Variants in CLSTN3 observed in about 807,000 individuals in gnomAD.
CLSTN3 encodes calsyntenin 3.
A neutral mutation model predicts 95.9 loss-of-function variants in CLSTN3; 36 were observed. That is an observed-to-expected ratio of 0.38 (90% CI 0.29 to 0.50). The LOEUF (loss-of-function observed/expected upper bound fraction) is 0.50, where lower values mean the gene tolerates loss of function less well. Ranked by LOEUF, CLSTN3 falls within the 20% of genes least tolerant of loss-of-function variation. The pLI is 0.95. For missense variants in CLSTN3, 1,084 were observed against 1,268.8 expected (o/e 0.85, Z 2.21); for synonymous variants, 481 against 504.0 (o/e 0.95, Z 0.61).
rs747634878 is a variant in CLSTN3 at position 7,135,568 on chromosome 12, G to T, written c.592+33G>T. On this transcript the variant is annotated intron_variant, in intron 4 of 17. Transcript: ENST00000266546. ...CACCCCTGGCTTCCCTGGCCACCCA[G>T]TTCCCCTTGAGCACCCACCTCCCTC... The T allele has an allele frequency of 3.1e-6, 5 of 1,606,796 alleles. No individual in the cohort carries two copies. In the Admixed American group the frequency reaches 6.7e-5, roughly 21 times the overall value.
chr12:7,158,069 A>C lies in CLSTN3; in HGVS notation c.2859A>C (p.Pro953=), dbSNP rs896178486. The C allele has an allele frequency of 6.5e-7, 1 of 1,534,322 alleles. No individual in the cohort carries two copies. The highest frequency in any genetic ancestry group is 8.8e-7 in the Non-Finnish European group (1 of 1,136,944). ...AGAGACGCATCATCGAGACCCCCCCACACCGCTACTAAGGCCTACACCTCT... is the reference window on the plus strand; with the variant it reads ...AGAGACGCATCATCGAGACCCCCCCCCACCGCTACTAAGGCCTACACCTCT... The part of the protein sequence containing the change: ...SDERRIIETP[P]HRY Residue 953 remains proline, a synonymous_variant, in exon 18 of 18, where the codon CCA becomes CCC. Transcript: ENST00000266546.
In CLSTN3 at chr12:7,133,546, C is replaced by A; in HGVS notation, c.188-27C>A. The A allele has an allele frequency of 6.2e-7, 1 of 1,610,634 alleles. No homozygotes were observed. ...GGTGGGGAAGGAGACACAGCAGCCT[C>A]ACTCCTCCCCTTCTCCCCTTTGCCA... On this transcript the variant is annotated intron_variant, in intron 2 of 17. Coordinates refer to ENST00000266546, the MANE Select transcript of CLSTN3 (RefSeq NM_014718.4). The surrounding 1 kb of genome is among the most constrained non-coding windows in gnomAD (Gnocchi z 4.7).
chr12:7,148,181 AAAG>A (rs1445694059), intron 12 of CLSTN3, among the ~76,000 whole-genome samples: 3 of 118,938 alleles, frequency 2.5e-5, no homozygotes, highest in Non-Finnish European at 5.3e-5. Flanking sequence ...AGAAAGAAAG[AAAG>A]AAAGAAAGAA....
intron 1 of CLSTN3, chr12:7,132,759 C>T (rs1467624313): frequency 2.0e-5 from 12 of 597,590 alleles, no homozygotes; most frequent in Non-Finnish European, 6.0e-6. Flanking sequence ...GATAGTGATC[C>T]CCTCCTCTTC....
Position 7,133,563 on chromosome 12 carries a change from C to G in CLSTN3, c.188-10C>G, listed in dbSNP as rs781478472. The G allele has an allele frequency of 1.2e-6, 2 of 1,613,714 alleles. No homozygotes were observed. Among genetic ancestry groups the G allele is most frequent in the African/African-American group, 2.7e-5 (2 of 75,000 alleles). On this transcript the variant is annotated splice_polypyrimidine_tract_variant and intron_variant, in intron 2 of 17. Coordinates refer to ENST00000266546, the MANE Select transcript of CLSTN3 (RefSeq NM_014718.4). This position sits in a 1 kb window ranked among gnomAD's most constrained non-coding sequence, Gnocchi z 4.7. ...AGCAGCCTCACTCCTCCCCTTCTCCCCTTTGCCAGGTGAGATCTGCGGCTT... is the reference window on the plus strand; with the variant it reads ...AGCAGCCTCACTCCTCCCCTTCTCCGCTTTGCCAGGTGAGATCTGCGGCTT...
At position 7,149,357 on chromosome 12, in the gene CLSTN3, C is replaced by T. The variant is rs114354914; in HGVS notation, c.2074+159C>T. ...TAAGAAGGAGAGCAAGTGGAAAACA[C>T]GTGGGTGGAAATGAATTGTTGCATA... is the stretch of plus-strand genomic sequence containing the variant. On this transcript the variant is annotated intron_variant, in intron 13 of 17. Coordinates refer to ENST00000266546, the MANE Select transcript of CLSTN3 (RefSeq NM_014718.4). This position sits in a 1 kb window ranked among gnomAD's most constrained non-coding sequence, Gnocchi z 4.5. Among the ~76,000 whole-genome samples the T allele has an allele frequency of 2.9e-3, 443 of 152,298 alleles. 1 individual carries two copies. Among genetic ancestry groups the T allele is most frequent in the African/African-American group, 9.4e-3 (389 of 41,562 alleles).
At chr12:7,142,732 TTTTG>T in intron 10 of CLSTN3, 133 bp from the exon 11 acceptor site, 48 of 593,322 alleles carry the variant, frequency 8.1e-5, no homozygotes, top group South Asian at 1.9e-4. Flanking sequence ...TTTTTTTTTT[TTTTG>T]GTTTCCACAT....
At chr12:7,131,872 G>A (rs765530783) in intron 1 of CLSTN3, 13 of 456,456 alleles carry the variant, frequency 2.8e-5, no homozygotes, top group African/African-American at 1.6e-4. Flanking sequence ...AGGCTTGCTG[G>A]TGTGTGGTTG....
At chr12:7,154,937 G>A (rs1311194028) in intron 16 of CLSTN3, among the ~76,000 whole-genome samples, 1 of 152,228 alleles carries the variant, frequency 6.6e-6, no homozygotes, top group Non-Finnish European at 1.5e-5. Flanking sequence ...TTGACCCTGA[G>A]CTTCTTCAAA....
At chr12:7,131,888 A>C (rs10772466) in intron 1 of CLSTN3, 449,372 of 456,364 alleles carry the variant, frequency 0.98, 221,612 homozygotes, top group East Asian at 1. Flanking sequence ...GGTTGGAGGA[A>C]AGAATGGAAA....
chr12:7,156,410 G>A lies in CLSTN3; in HGVS notation c.2528-1079G>A, dbSNP rs142936286. The A allele has an allele frequency of 5.1e-3, 2,332 of 456,790 alleles. 11 individuals are homozygous for A. The highest frequency in any genetic ancestry group is 8.3e-3 in the Non-Finnish European group (1,881 of 226,894). The allele number at this position is 456,790 out of a possible 1,614,324, so 28.3% of individuals were successfully genotyped here. On this transcript the variant is annotated intron_variant, in intron 16 of 17. Coordinates refer to ENST00000266546, the MANE Select transcript of CLSTN3 (RefSeq NM_014718.4). The stretch of plus-strand genomic sequence containing the variant: ...TCGCTCTGTGGCCCTCACGGCCCAC[G>A]TCTGTAGTGTCTATGTCTTCCTTCA...
chr12:7,145,242 CT>C (rs1260294945), intron 12 of CLSTN3, among the ~76,000 whole-genome samples: 2 of 152,148 alleles, frequency 1.3e-5, no homozygotes, highest in African/African-American at 4.8e-5. Flanking sequence ...GATGTTTTCT[CT>C]ATGAGGTTAA....
At chr12:7,131,503 T>G in intron 1 of CLSTN3, 2 of 308,062 alleles carry the variant, frequency 6.5e-6, no homozygotes, top group African/African-American at 2.2e-5. Flanking sequence ...AGGGTAAAGG[T>G]GGAGGCAGAA....
Position 7,130,685 on chromosome 12 carries a change from C to T in CLSTN3, c.37C>T (p.Leu13=), listed in dbSNP as rs778825466. Residue 13 remains leucine, a synonymous_variant, in exon 1 of 18, where the codon CTG becomes TTG. Coordinates refer to ENST00000266546, the MANE Select transcript of CLSTN3 (RefSeq NM_014718.4). ...GCTGCTGCCCCTTCTGCTGGCCTCTCTGCTCGCGTCCTGCTCCTGTAACAA... is the reference window on the plus strand; with the variant it reads ...GCTGCTGCCCCTTCTGCTGGCCTCTTTGCTCGCGTCCTGCTCCTGTAACAA... ...LLLLPLLLAS[L]LASCSCNKAN... is the part of the protein sequence containing the mutation. The T allele has an allele frequency of 6.4e-7, 1 of 1,574,098 alleles. No homozygotes were observed. The highest frequency in any genetic ancestry group is 8.6e-7 in the Non-Finnish European group (1 of 1,158,744).
intron 16 of CLSTN3, among the ~76,000 whole-genome samples, chr12:7,155,428 T>G (rs57740595): frequency 0.071 from 10,864 of 152,242 alleles, 430 homozygotes; most frequent in South Asian, 0.21. Context: ...GACACTGCAT[T>G]GATTAGGGCG....
chr12:7,137,252 G>A lies in CLSTN3; in HGVS notation c.1210+142G>A. 1.3e-6 allele frequency: 1 copy of A among 769,744 alleles called. No individual in the cohort carries two copies. Among genetic ancestry groups the A allele is most frequent in the Non-Finnish European group, 2.0e-6 (1 of 487,906 alleles). 47.7% of individuals were successfully genotyped at this position (769,744 alleles called of 1,614,324 possible). Reference sequence around the variant, plus strand: ...GCAAGTGCCAGGTGTGATATGCCTTGATTCTGTGCTTTATCCCCAACATGA... The same window carrying A: ...GCAAGTGCCAGGTGTGATATGCCTTAATTCTGTGCTTTATCCCCAACATGA... On this transcript the variant is annotated intron_variant, in intron 7 of 17. Transcript: ENST00000266546. This position sits in a 1 kb window ranked among gnomAD's most constrained non-coding sequence, Gnocchi z 4.4.
At chr12:7,136,561 G>A (rs1045289337) in intron 6 of CLSTN3, among the ~76,000 whole-genome samples, 170 bp downstream of exon 6, 1 of 152,164 alleles carries the variant, frequency 6.6e-6, no homozygotes, top group Non-Finnish European at 1.5e-5. Flanking sequence ...ATATGTCTTT[G>A]GCAAAGATGC....
Position 7,138,017 on chromosome 12 carries a change from C to A in CLSTN3, c.1273C>A (p.Pro425Thr), listed in dbSNP as rs1400666617. ...HGCRIAFLYW[P>T]LLESARPVKF... is the part of the protein sequence containing the mutation. The stretch of plus-strand genomic sequence containing the variant: ...CTGTAGGATTGCCTTCCTCTACTGG[C>A]CCCTGCTTGAGAGTGCCCGCCCAGT... The change falls in exon 8 of 18, where the codon CCC becomes ACC. Residue 425 changes from proline (P) to threonine (T), a missense_variant. Pro to Thr is a conservative substitution (Grantham distance 38). Transcript: ENST00000266546. 1 of 1,613,852 alleles carries A rather than the reference C, an allele frequency of 6.2e-7. No individual in the cohort carries two copies. The highest frequency in any genetic ancestry group is 8.5e-7 in the Non-Finnish European group (1 of 1,179,918).
At chr12:7,134,599 G>A (rs748726894) in intron 3 of CLSTN3, among the ~76,000 whole-genome samples, 2 of 152,336 alleles carry the variant, frequency 1.3e-5, no homozygotes, top group African/African-American at 4.8e-5. Flanking sequence ...CCGCATGTGC[G>A]GGAGGCAGCA....
Sources: allele counts gnomAD v4.1 joint callset (sites outside exome capture counted in the v4.1 genomes callset), GRCh38; gene constraint gnomAD v4.1.1; non-coding constraint Gnocchi (gnomAD v3.1); transcripts MANE v1.5; gene names NCBI Gene and HGNC (gene_info 2026-07-23, HGNC 2026-07-21).